The following ZBTB33 variants were observed in gnomAD, a reference collection of about 807,000 sequenced individuals.
The protein encoded by ZBTB33 is transcriptional regulator Kaiso.
In ZBTB33, 11 loss-of-function variants were observed where a neutral mutation model predicts 25.9. The ratio of observed to expected loss-of-function variants is 0.42; its 90% confidence interval spans 0.27 to 0.70. The LOEUF is 0.70. Among genes scored for constraint, ZBTB33 ranks in the 30% least tolerant of loss-of-function variants. ZBTB33 has a pLI of 0.23. For synonymous variants in ZBTB33, 157 were observed against 184.8 expected, an observed-to-expected ratio of 0.85 and a Z score of 1.22; for missense variants, 343 against 501.1, an observed-to-expected ratio of 0.68 and a Z score of 3.01.
intron 1 of ZBTB33, among the ~76,000 whole-genome samples, chrX:120,251,684 T>C (rs1291024406): frequency 8.9e-6 from 1 of 112,109 alleles, no homozygotes; most frequent in Non-Finnish European, 1.9e-5. Context: ...CACCAGCTCC[T>C]CCGAACTGGC....
At chrX:120,252,409 C>A (rs1278403653) in intron 1 of ZBTB33, among the ~76,000 whole-genome samples, 1 of 110,498 alleles carries the variant, frequency 9.0e-6, no homozygotes, top group Non-Finnish European at 1.9e-5. Flanking sequence ...CTGGAAATAT[C>A]TTCTGCAAAG....
rs782714211 is a variant in ZBTB33 at position 120,254,493 on chromosome X, G to C, written c.1078G>C (p.Asp360His). ...TAATACATCTTTGGTCCCACAGGCT[G>C]ATACCTCCCAAAATACCAGTTTTGA... ...VSNTSLVPQA[D>H]TSQNTSFDGS... is the part of the protein sequence containing the mutation. Residue 360 changes from aspartate to histidine, a missense_variant, in exon 3 of 3, where the codon GAT becomes CAT. This residue lies in a region of ZBTB33 where 304 missense variants were observed against 410.0 expected (regional missense o/e 0.74). Coordinates refer to ENST00000557385, the MANE Select transcript of ZBTB33 (RefSeq NM_001184742.2). 8.3e-7 allele frequency: 1 copy of C among 1,211,733 alleles called. No homozygotes were observed. The highest frequency in any genetic ancestry group is 3.0e-5 in the East Asian group (1 of 33,860).
chrX:120,251,757 G>A (rs1556014368), intron 1 of ZBTB33, among the ~76,000 whole-genome samples: 1 of 112,311 alleles, frequency 8.9e-6, no homozygotes, highest in Non-Finnish European at 1.9e-5. Context: ...GCATATCTTC[G>A]GAGTGGGTTC....
chrX:120,252,331 T>G (rs941260898), intron 1 of ZBTB33, among the ~76,000 whole-genome samples: 1 of 110,756 alleles, frequency 9.0e-6, no homozygotes, highest in Admixed American at 9.6e-5. Flanking sequence ...AATATATCCA[T>G]ATATAATATG....
intron 2 of ZBTB33, 126 bp from the exon 3 acceptor site, chrX:120,253,288 A>T: frequency 1.4e-6 from 1 of 732,694 alleles, no homozygotes; most frequent in Non-Finnish European, 1.9e-6. Context: ...AAAGCCAAAA[A>T]ATTATGCTGA....
intron 2 of ZBTB33, among the ~76,000 whole-genome samples, 176 bp from the exon 3 acceptor site, chrX:120,253,236 GAC>G (rs1460733091): frequency 9.8e-5 from 11 of 112,396 alleles, no homozygotes; most frequent in Admixed American, 2.8e-4. Flanking sequence ...CATGAAATTG[GAC>G]ACTTGTTCCA....
At position 120,254,989 on chromosome X, in the gene ZBTB33, G is replaced by A. The variant is rs1556015129; in HGVS notation, c.1574G>A (p.Arg525His). 5 of 1,211,853 alleles carry A rather than the reference G, an allele frequency of 4.1e-6. No individual in the cohort carries two copies. The South Asian group carries it at 5.3e-5, about 13-fold the overall frequency. Reference protein sequence around the residue: ...IHSWEKKYPCRYCEKVFPLAE... With the variant: ...IHSWEKKYPCHYCEKVFPLAE... ...TCTTGGGAGAAGAAGTATCCGTGCC[G>A]TTACTGTGAGAAGGTATTTCCTCTT... The change falls in exon 3 of 3, where the codon CGT becomes CAT. Residue 525 changes from arginine (R) to histidine (H), a missense_variant. Coordinates refer to ENST00000557385, the MANE Select transcript of ZBTB33 (RefSeq NM_001184742.2).
chrX:120,255,502 CAAATT>C lies in ZBTB33; in HGVS notation c.*71_*75del, dbSNP rs1691120075. On this transcript the variant is annotated 3_prime_UTR_variant, in exon 3 of 3. Coordinates refer to ENST00000557385, the MANE Select transcript of ZBTB33 (RefSeq NM_001184742.2). ...CAGGGGTTTCAGAAGATCTGTAAAA[CAAATT>C]AAGGTGCGAACAAGTTAATTTGATC... The C allele has an allele frequency of 4.6e-6, 4 of 874,356 alleles. No individual in the cohort carries two copies. Among genetic ancestry groups the C allele is most frequent in the Middle Eastern group, 4.3e-4 (1 of 2,341 alleles). 72.1% of individuals were successfully genotyped at this position (874,356 alleles called of 1,213,427 possible). A position where few individuals can be genotyped will look rare whatever the true frequency, so the allele number is the denominator to read the frequency against.
rs2057647851 is a variant in ZBTB33, at chrX:120,257,756, CA to C, written c.*2326del. 1 of 122,977 alleles carries C rather than the reference CA, an allele frequency of 8.1e-6. No homozygotes were observed. The highest frequency in any genetic ancestry group is 9.5e-5 in the Admixed American group (1 of 10,502). 10.1% of individuals were successfully genotyped at this position (122,977 alleles called of 1,213,427 possible). A position where few individuals can be genotyped will look rare whatever the true frequency, so the allele number is the denominator to read the frequency against. On this transcript the variant is annotated 3_prime_UTR_variant, in exon 3 of 3. Transcript: ENST00000557385. ...ATTCATGTGAAATACTTCTTTGGGGCAAAAGTCCTTCATTCCTGGTATTTAT... is the reference window on the plus strand; with the variant it reads ...ATTCATGTGAAATACTTCTTTGGGGCAAAGTCCTTCATTCCTGGTATTTAT...
At chrX:120,251,557 A>G (rs1376298102) in intron 1 of ZBTB33, among the ~76,000 whole-genome samples, 1 of 111,786 alleles carries the variant, frequency 8.9e-6, no homozygotes, top group African/African-American at 3.3e-5. Flanking sequence ...TGCAGCTGGC[A>G]GGGTCCATAT....
chrX:120,252,598 G>A (rs2057607677), intron 1 of ZBTB33, 71 bp from the exon 2 acceptor site: 1 of 111,779 alleles, frequency 8.9e-6, no homozygotes, highest in African/African-American at 3.3e-5. Flanking sequence ...AAAATGTTTC[G>A]TGTTTTCTTG....
rs781979146 is a variant in ZBTB33, at chrX:120,254,525, A to G, written c.1110A>G (p.Ser370=). 1 of 1,210,303 alleles carries G rather than the reference A, an allele frequency of 8.3e-7. No individual in the cohort carries two copies. The highest frequency in any genetic ancestry group is 1.7e-5 in the African/African-American group (1 of 57,279). The part of the protein sequence containing the change: ...DTSQNTSFDG[S]LIQKMQIPTL... ...CCCAAAATACCAGTTTTGATGGATC[A>G]TTAATACAGAAGATGCAGATTCCTA... Residue 370 remains serine (S), a synonymous_variant, in exon 3 of 3, where the codon TCA becomes TCG. Coordinates refer to ENST00000557385, the MANE Select transcript of ZBTB33 (RefSeq NM_001184742.2).
In ZBTB33 at chrX:120,257,986, T is replaced by A. The variant is rs782799978; in HGVS notation, c.*2552T>A. 1 of 123,386 alleles carries A rather than the reference T, an allele frequency of 8.1e-6. No individual in the cohort carries two copies. Among genetic ancestry groups the A allele is most frequent in the South Asian group, 3.7e-4 (1 of 2,691 alleles). The allele number at this position is 123,386 out of a possible 1,213,427, so 10.2% of individuals were successfully genotyped here. The stretch of plus-strand genomic sequence containing the variant: ...AAAAGATATGACAAAATGAAAATGC[T>A]TAAACTACAGAAATTTAAAAATGCC... On this transcript the variant is annotated 3_prime_UTR_variant, in exon 3 of 3. Coordinates refer to ENST00000557385, the MANE Select transcript of ZBTB33 (RefSeq NM_001184742.2).
rs267606333 is a variant in ZBTB33 at position 120,254,698 on chromosome X, C to T, written c.1283C>T (p.Ser428Leu). The T allele has an allele frequency of 1.3e-5, 16 of 1,211,552 alleles. No homozygotes were observed. The highest frequency in any genetic ancestry group is 3.0e-5 in the East Asian group (1 of 33,843). Residue 428 changes from serine to leucine, a missense_variant, in exon 3 of 3, where the codon TCG (serine) becomes TTG (leucine). Ser to Leu is a moderately radical substitution (Grantham distance 145, BLOSUM62 -2). Around this residue, in one of 2 missense-constraint regions of ZBTB33, gnomAD observed 304 missense variants for 410.0 expected, o/e 0.74. Coordinates refer to ENST00000557385, the MANE Select transcript of ZBTB33 (RefSeq NM_001184742.2). ...LDTATEIEGL[S>L]TGCKVYANIG... ...ACAGCTACTGAAATTGAAGGCTTAT[C>T]GACTGGTTGCAAGGTTTATGCAAAT...
chrX:120,254,553 C>T lies in ZBTB33; in HGVS notation c.1138C>T (p.Leu380Phe), dbSNP rs782608837. Residue 380 changes from leucine (L) to phenylalanine (F), a missense_variant, in exon 3 of 3, where the codon CTT becomes TTT. This residue lies in a region of ZBTB33 where 304 missense variants were observed against 410.0 expected (regional missense o/e 0.74). Coordinates refer to ENST00000557385, the MANE Select transcript of ZBTB33 (RefSeq NM_001184742.2). Reference protein sequence around the residue: ...SLIQKMQIPTLLQEPLSNSLK... With the variant: ...SLIQKMQIPTFLQEPLSNSLK... ...AATACAGAAGATGCAGATTCCTACA[C>T]TTCTTCAAGAACCACTTTCCAATTC... 4 of 1,211,516 alleles carry T rather than the reference C, an allele frequency of 3.3e-6. No homozygotes were observed. In the South Asian group the frequency reaches 5.3e-5, roughly 16 times the overall value.
rs2057632371 is a variant in ZBTB33 at position 120,255,502 on chromosome X, C to A, written c.*68C>A. 2 of 874,350 alleles carry A rather than the reference C, an allele frequency of 2.3e-6. No individual in the cohort carries two copies. The highest frequency in any genetic ancestry group is 1.6e-6 in the Non-Finnish European group (1 of 623,151). 72.1% of individuals were successfully genotyped at this position (874,350 alleles called of 1,213,427 possible). On this transcript the variant is annotated 3_prime_UTR_variant, in exon 3 of 3. Transcript: ENST00000557385. ...CAGGGGTTTCAGAAGATCTGTAAAACAAATTAAGGTGCGAACAAGTTAATT... is the reference window on the plus strand; with the variant it reads ...CAGGGGTTTCAGAAGATCTGTAAAAAAAATTAAGGTGCGAACAAGTTAATT...
At position 120,255,743 on chromosome X, in the gene ZBTB33, A is replaced by G. The variant is rs1205275948; in HGVS notation, c.*309A>G. 4.3e-6 allele frequency: 1 copy of G among 232,091 alleles called. No homozygotes were observed. Among genetic ancestry groups the G allele is most frequent in the African/African-American group, 2.9e-5 (1 of 34,563 alleles). 19.1% of individuals were successfully genotyped at this position (232,091 alleles called of 1,213,427 possible). ...GAAGCAGTCTGAATGTTCTTTGAAA[A>G]TAACTGGAGTTATTAGCATACCCTA... is the stretch of plus-strand genomic sequence containing the variant. On this transcript the variant is annotated 3_prime_UTR_variant, in exon 3 of 3. Transcript: ENST00000557385.
In ZBTB33 at chrX:120,253,689, C is replaced by G. The variant is rs1353974426; in HGVS notation, c.274C>G (p.Arg92Gly). The G allele has an allele frequency of 8.3e-7, 1 of 1,211,388 alleles. No homozygotes were observed. Among genetic ancestry groups the G allele is most frequent in the Non-Finnish European group, 1.1e-6 (1 of 895,376 alleles). The change falls in exon 3 of 3, where the codon CGT (arginine) becomes GGT (glycine). Residue 92 changes from arginine (R) to glycine (G), a missense_variant. Arg to Gly is a moderately radical substitution (Grantham distance 125, BLOSUM62 -2). Around this residue, in one of 2 missense-constraint regions of ZBTB33, gnomAD observed 39 missense variants for 91.1 expected, o/e 0.43. Transcript: ENST00000557385. ...LNYIYSSKIVRVRSDLLDELI... is the reference protein window; with the variant it reads ...LNYIYSSKIVGVRSDLLDELI... The stretch of plus-strand genomic sequence containing the variant: ...TTATATCTATAGTTCTAAAATTGTT[C>G]GTGTTAGATCAGATTTGCTTGATGA...
Position 120,255,517 on chromosome X carries a change from A to G in ZBTB33, c.*83A>G. ...ATCTGTAAAACAAATTAAGGTGCGA[A>G]CAAGTTAATTTGATCTGCCACATTA... On this transcript the variant is annotated 3_prime_UTR_variant, in exon 3 of 3. Transcript: ENST00000557385. The G allele has an allele frequency of 2.5e-6, 2 of 801,613 alleles. No individual in the cohort carries two copies. The allele number at this position is 801,613 out of a possible 1,213,427, so 66.1% of individuals were successfully genotyped here. A position where few individuals can be genotyped will look rare whatever the true frequency, so the allele number is the denominator to read the frequency against.
Sources: gnomAD v4.1 joint callset for allele counts (sites outside exome capture counted in the v4.1 genomes callset) on GRCh38, gnomAD v4.1.1 for gene constraint, gnomAD v4.1.1 regional missense constraint, MANE v1.5 for transcripts, NCBI Gene and HGNC (gene_info 2026-07-23, HGNC 2026-07-21) for gene names.